MS4A6A: variants seen among roughly 807,000 people sequenced by gnomAD.
MS4A6A encodes membrane-spanning 4-domains subfamily A member 6A.
A neutral mutation model predicts 20.6 loss-of-function variants in MS4A6A; 19 were observed. The observed-to-expected ratio is 0.92, with a 90% CI of 0.64 to 1.36. MS4A6A has a LOEUF of 1.36. Among genes scored for constraint, MS4A6A ranks in the 40% most tolerant of loss-of-function variants. The probability of loss-of-function intolerance (pLI) is 0.00; values close to 1 mark genes in which losing one functional copy is unlikely to be tolerated. For missense variants in MS4A6A, 272 were observed against 261.1 expected (o/e 1.04, Z -0.29); for synonymous variants, 108 against 105.0 (o/e 1.03, Z -0.17).
At chr11:60,175,722 G>A (rs868367705) in intron 4 of MS4A6A, 111 bp from the exon 5 acceptor site, 2 of 1,135,006 alleles carry the variant, frequency 1.8e-6, no homozygotes, top group Non-Finnish European at 2.5e-6. Context: ...AGGAGGTCTG[G>A]GATTGATCAT....
At chr11:60,173,358 T>G (rs1026642417) in intron 5 of MS4A6A, among the ~76,000 whole-genome samples, 6 of 152,192 alleles carry the variant, frequency 3.9e-5, no homozygotes, top group Non-Finnish European at 8.8e-5. Flanking sequence ...TTAAATCAAC[T>G]AATCTACTTC....
chr11:60,179,619 A>G (rs745340026), intron 3 of MS4A6A: 54 of 636,698 alleles, frequency 8.5e-5, no homozygotes, highest in Non-Finnish European at 1.5e-4. Context: ...GAATAAGATG[A>G]TCTTCAAAAG....
downstream of MS4A6A, chr11:60,172,314 T>A (rs373734278): frequency 3.3e-5 from 52 of 1,587,170 alleles, no homozygotes; most frequent in African/African-American, 6.3e-4. Context: ...TAGATGTATA[T>A]ATGCCATTTT....
downstream of MS4A6A, chr11:60,171,974 C>A (rs1012892578): frequency 3.9e-6 from 2 of 508,420 alleles, no homozygotes; most frequent in Non-Finnish European, 6.6e-6. Flanking sequence ...AAGTCAATGT[C>A]AGGCAAATCA....
At chr11:60,175,349 C>A (rs1477189802) in intron 5 of MS4A6A, 53 bp downstream of exon 5, 1 of 1,424,782 alleles carries the variant, frequency 7.0e-7, no homozygotes, top group East Asian at 2.3e-5. Context: ...AACAAGAAAT[C>A]AAGGCTTTTG....
chr11:60,178,687 GA>G (rs1856974669), intron 3 of MS4A6A: 1 of 310,848 alleles, frequency 3.2e-6, no homozygotes, highest in Admixed American at 4.9e-5. Flanking sequence ...TTACAGAGGA[GA>G]AATCTGGAAA....
At chr11:60,182,079 C>T (rs1590685918) in intron 1 of MS4A6A, among the ~76,000 whole-genome samples, 1 of 152,140 alleles carries the variant, frequency 6.6e-6, no homozygotes, top group Admixed American at 6.5e-5. Context: ...AACTGTATTG[C>T]CATATATTTG....
intron 4 of MS4A6A, chr11:60,177,311 C>T (rs996365945): frequency 1.3e-5 from 2 of 152,122 alleles, no homozygotes; most frequent in African/African-American, 2.4e-5. Context: ...CCGTTTCTCA[C>T]TTCCTTGCTG....
chr11:60,183,227 G>A (rs753008662), upstream of MS4A6A: 1 of 1,517,778 alleles, frequency 6.6e-7, no homozygotes, highest in East Asian at 2.5e-5. Flanking sequence ...ACTAATATTT[G>A]TGAGAGTTCA....
chr11:60,173,305 C>T (rs1005015385), intron 5 of MS4A6A, among the ~76,000 whole-genome samples, 176 bp from the exon 6 acceptor site: 3 of 152,176 alleles, frequency 2.0e-5, no homozygotes, highest in African/African-American at 4.8e-5. Flanking sequence ...AATTCAACCC[C>T]TTAACTCATT....
At chr11:60,182,749 C>G (rs1365193240) in intron 1 of MS4A6A, 5 of 160,692 alleles carry the variant, frequency 3.1e-5, no homozygotes, top group Non-Finnish European at 6.8e-5. Context: ...GACAAGAGCT[C>G]TGCTCCCATT....
Position 60,175,467 on chromosome 11 carries a change from C to A in MS4A6A, c.484G>T (p.Val162Phe). Residue 162 changes from valine (V) to phenylalanine (F), a missense_variant, in exon 5 of 6, where the codon GTT (valine) becomes TTT (phenylalanine). Val to Phe is a conservative substitution (Grantham distance 50). Transcript: ENST00000528851. ...AGTGAATCATGATAAAAGTAAGAAA[C>A]ATAACTTCTTGTTGGTATATTATTT... Reference protein sequence around the residue: ...DKNNIPTRSYVSYFYHDSLYT... With the variant: ...DKNNIPTRSYFSYFYHDSLYT... 1 of 1,614,126 alleles carries A rather than the reference C, an allele frequency of 6.2e-7. No homozygotes were observed.
At chr11:60,178,760 C>A (rs1450002090) in intron 3 of MS4A6A, 1 of 435,166 alleles carries the variant, frequency 2.3e-6, no homozygotes. Flanking sequence ...GGTAGCATGA[C>A]CCTTGATACG....
chr11:60,179,321 T>A (rs1857004695), intron 3 of MS4A6A, among the ~76,000 whole-genome samples: 2 of 152,164 alleles, frequency 1.3e-5, no homozygotes, highest in Non-Finnish European at 2.9e-5. Context: ...TTCCTGTCAA[T>A]CACTGGGCAT....
At chr11:60,175,636 A>T (rs2278867) in intron 4 of MS4A6A, 25 bp from the exon 5 acceptor site, 612,581 of 1,606,158 alleles carry the variant, frequency 0.38, 122,174 homozygotes, top group South Asian at 0.5. Flanking sequence ...TTGGGTAAGG[A>T]TCATTGCTAA....
At chr11:60,175,714 G>A in intron 4 of MS4A6A, 103 bp from the exon 5 acceptor site, 3 of 1,234,306 alleles carry the variant, frequency 2.4e-6, no homozygotes, top group Non-Finnish European at 3.4e-6. Flanking sequence ...GTCCCCTCAG[G>A]AGGTCTGGGA....
In MS4A6A at chr11:60,175,521, G is replaced by C; in HGVS notation, c.430C>G (p.Pro144Ala). ...TCCAACTCACACTGCAGTGAGGCAGGATTTAAGGTGGCCTGTTTGACAGAC... is the reference window on the plus strand; with the variant it reads ...TCCAACTCACACTGCAGTGAGGCAGCATTTAAGGTGGCCTGTTTGACAGAC... ...ILSVKQATLN[P>A]ASLQCELDKN... The change falls in exon 5 of 6, where the codon CCT (proline) becomes GCT (alanine). Residue 144 changes from proline to alanine, a missense_variant. Pro to Ala is a conservative substitution (Grantham distance 27, BLOSUM62 -1). Transcript: ENST00000528851. The C allele has an allele frequency of 6.2e-7, 1 of 1,614,116 alleles. No homozygotes were observed. Among genetic ancestry groups the C allele is most frequent in the Non-Finnish European group, 8.5e-7 (1 of 1,179,996 alleles).
chr11:60,183,248 A>C (rs1174640262), upstream of MS4A6A: 2 of 1,440,746 alleles, frequency 1.4e-6, no homozygotes, highest in Admixed American at 2.0e-5. Flanking sequence ...GGAGTCATGG[A>C]GCCTTATGTG....
intron 3 of MS4A6A, 27 bp downstream of exon 3, chr11:60,179,804 C>T (rs1378816509): frequency 1.9e-6 from 3 of 1,613,826 alleles, no homozygotes; most frequent in Admixed American, 3.3e-5. Context: ...TTTGCCCCAT[C>T]CTGCCCTCCT....
Sources: allele counts gnomAD v4.1 joint callset (sites outside exome capture counted in the v4.1 genomes callset), GRCh38; gene constraint gnomAD v4.1.1; transcripts MANE v1.5; gene names NCBI Gene and HGNC (gene_info 2026-07-23, HGNC 2026-07-21).